The following HSPH1 variants were observed in gnomAD, a reference collection of about 807,000 sequenced individuals.
The protein encoded by HSPH1 is heat shock protein family H (Hsp110) member 1, also known as heat shock protein 105 kDa.
In HSPH1, 40 loss-of-function variants were observed where a neutral mutation model predicts 100.0. The observed-to-expected ratio is 0.40, with a 90% CI of 0.31 to 0.52. The LOEUF (loss-of-function observed/expected upper bound fraction) is 0.52. Ranked by LOEUF, HSPH1 falls within the 20% of genes least tolerant of loss-of-function variation. The probability of loss-of-function intolerance (pLI) is 0.54; values close to 1 mark genes in which losing one functional copy is unlikely to be tolerated. For missense variants in HSPH1, 876 were observed against 1,015.1 expected, an observed-to-expected ratio of 0.86 and a Z score of 1.86; for synonymous variants, 403 against 344.0, an observed-to-expected ratio of 1.17 and a Z score of -1.90.
intron 4 of HSPH1, among the ~76,000 whole-genome samples, chr13:31,153,751 A>G (rs2137623537): frequency 6.6e-6 from 1 of 152,016 alleles, no homozygotes; most frequent in African/African-American, 2.4e-5. Context: ...CATGAGCAAG[A>G]GCAAAGGTGG....
At chr13:31,148,566 G>C (rs535106099) in intron 8 of HSPH1, 86 bp from the exon 9 acceptor site, 2 of 162,242 alleles carry the variant, frequency 1.2e-5, no homozygotes, top group African/African-American at 3.5e-5. Flanking sequence ...GGATGGACAG[G>C]GTTTTCAAAA....
chr13:31,157,171 T>G (rs1000307313), intron 2 of HSPH1, among the ~76,000 whole-genome samples: 1 of 152,234 alleles, frequency 6.6e-6, no homozygotes, highest in African/African-American at 2.4e-5. Flanking sequence ...AAAACTGAGA[T>G]GAAGTATGTC....
upstream of HSPH1, chr13:31,162,313 G>A (rs1393814729): frequency 3.4e-6 from 2 of 591,456 alleles, no homozygotes; most frequent in Non-Finnish European, 6.0e-6. Context: ...AGAGACCCCA[G>A]ACACCGGGAT....
chr13:31,161,382 G>C, intron 1 of HSPH1, 94 bp downstream of exon 1: 20 of 1,527,358 alleles, frequency 1.3e-5, no homozygotes, highest in Non-Finnish European at 1.8e-5. Context: ...GCCTCCGTTT[G>C]CCGCGGTGAT....
At position 31,139,080 on chromosome 13, in the gene HSPH1, T is replaced by C. The variant is rs753961530; in HGVS notation, c.2008A>G (p.Thr670Ala). The part of the protein sequence containing the change: ...QDHQNFLRLL[T>A]ETEDWLYEEG... Reference sequence around the variant, plus strand: ...TCATACAGCCAGTCTTCAGTTTCTGTGAGGAGTCTCAAAAAATTTTGATGA... The same window carrying C: ...TCATACAGCCAGTCTTCAGTTTCTGCGAGGAGTCTCAAAAAATTTTGATGA... Residue 670 changes from threonine to alanine, a missense_variant, in exon 15 of 18, where the codon ACA becomes GCA. Coordinates refer to ENST00000320027, the MANE Select transcript of HSPH1 (RefSeq NM_006644.4). 63 of 1,612,298 alleles carry C rather than the reference T, an allele frequency of 3.9e-5. No individual in the cohort carries two copies. Among genetic ancestry groups the C allele is most frequent in the Non-Finnish European group, 5.3e-5 (62 of 1,178,650 alleles).
Position 31,161,592 on chromosome 13 carries a change from G to A in HSPH1, c.-10C>T. 5 of 1,611,870 alleles carry A rather than the reference G, an allele frequency of 3.1e-6. No individual in the cohort carries two copies. Among genetic ancestry groups the A allele is most frequent in the Non-Finnish European group, 4.2e-6 (5 of 1,179,476 alleles). ...ACCCCACCACCGACATGGCCGGCTC[G>A]CGGTCCGCCTCCGCCTCGGGTCTCG... On this transcript the variant is annotated 5_prime_UTR_variant, in exon 1 of 18. Transcript: ENST00000320027.
chr13:31,139,755 G>A (rs1593714052), intron 14 of HSPH1, among the ~76,000 whole-genome samples: 1 of 152,004 alleles, frequency 6.6e-6, no homozygotes, highest in Non-Finnish European at 1.5e-5. Context: ...CATACTAACT[G>A]GGAGTCAAGA....
upstream of HSPH1, chr13:31,162,281 C>T (rs1455756480): frequency 9.5e-6 from 6 of 632,996 alleles, no homozygotes; most frequent in Non-Finnish European, 1.6e-5. Context: ...GCTGGGCGGG[C>T]GGAGACAGAC....
At chr13:31,155,434 T>C in intron 3 of HSPH1, 80 bp downstream of exon 3, 1 of 1,177,012 alleles carries the variant, frequency 8.5e-7, no homozygotes, top group Non-Finnish European at 1.2e-6. Flanking sequence ...AATTAAGAAA[T>C]TTAAGTAATA....
chr13:31,141,264 G>C lies in HSPH1; in HGVS notation c.1717-5C>G. ...GTCAACTTTTTTTTCATTTGCCTTG[G>C]GAAGAGGAATAAAAAAAGGAAAAAA... On this transcript the variant is annotated splice_region_variant and splice_polypyrimidine_tract_variant and intron_variant, in intron 12 of 17. Transcript: ENST00000320027. The C allele has an allele frequency of 1.9e-6, 3 of 1,582,658 alleles. No homozygotes were observed. Among genetic ancestry groups the C allele is most frequent in the Non-Finnish European group, 2.6e-6 (3 of 1,168,714 alleles).
rs1345820640 is a variant in HSPH1, at chr13:31,151,205, A to C, written c.664-14T>G. ...TGTTCCCAGTACCTAATTTGGTTGA[A>C]ACAACAAATAGTCTGGTTATTTTCA... On this transcript the variant is annotated splice_polypyrimidine_tract_variant and intron_variant, in intron 6 of 17. Coordinates refer to ENST00000320027, the MANE Select transcript of HSPH1 (RefSeq NM_006644.4). The C allele has an allele frequency of 4.4e-6, 7 of 1,583,648 alleles. No homozygotes were observed. The East Asian group carries it at 1.6e-4, about 35-fold the overall frequency.
Position 31,154,753 on chromosome 13 carries a change from T to G in HSPH1, c.309A>C (p.Val103=). The G allele has an allele frequency of 6.2e-7, 1 of 1,612,134 alleles. No individual in the cohort carries two copies. ...PLKNGGVGIK[V]MYMGEEHLFS... ...ATAGATGTTCTTCACCCATGTACAT[T>G]ACCTATATTGAAGGGAAAAAATGTT... Residue 103 remains valine (V), a splice_region_variant and synonymous_variant, in exon 4 of 18, where the codon GTA becomes GTC. Transcript: ENST00000320027.
Position 31,138,542 on chromosome 13 carries a change from C to T in HSPH1, c.2235G>A (p.Glu745=). Residue 745 remains glutamate (E), a synonymous_variant, in exon 17 of 18, where the codon GAG becomes GAA. Transcript: ENST00000320027. ...NKDEKYNHID[E]SEMKKVEKSV... ...ACTTCTCCACTTTTTTCATTTCAGA[C>T]TCATCAATATGGTTGTATTTCTCAT... The T allele has an allele frequency of 6.2e-7, 1 of 1,612,376 alleles. No individual in the cohort carries two copies. The highest frequency in any genetic ancestry group is 8.5e-7 in the Non-Finnish European group (1 of 1,179,100).
chr13:31,144,860 A>G (rs74043869), intron 11 of HSPH1, among the ~76,000 whole-genome samples: 6 of 152,296 alleles, frequency 3.9e-5, no homozygotes, highest in African/African-American at 1.2e-4. Context: ...CAGAATGTTT[A>G]TGTTGCTTAG....
chr13:31,162,071 C>G, upstream of HSPH1: 1 of 1,536,156 alleles, frequency 6.5e-7, no homozygotes, highest in Non-Finnish European at 8.7e-7. Flanking sequence ...CAGCCGGTCC[C>G]CGGAGAACGG....
At chr13:31,153,979 C>T (rs919688054) in intron 4 of HSPH1, 1 of 152,344 alleles carries the variant, frequency 6.6e-6, no homozygotes, top group African/African-American at 2.4e-5. Context: ...CTCATTCATT[C>T]ATAAAGGCTT....
At chr13:31,142,909 G>A (rs898048096) in intron 12 of HSPH1, among the ~76,000 whole-genome samples, 5 of 152,022 alleles carry the variant, frequency 3.3e-5, no homozygotes, top group African/African-American at 1.2e-4. Context: ...AAAACAGAGA[G>A]CAGCTTTCAG....
chr13:31,152,621 T>C (rs1956528488), intron 5 of HSPH1: 3 of 281,724 alleles, frequency 1.1e-5, no homozygotes, highest in Non-Finnish European at 2.0e-5. Context: ...ACCTACATTT[T>C]CAAAGGATTA....
At chr13:31,162,363 A>C (rs1956954898), upstream of HSPH1, 1 of 544,278 alleles carries the variant, frequency 1.8e-6, no homozygotes, top group Non-Finnish European at 3.3e-6. Flanking sequence ...GCATGTTGGG[A>C]ATCGTAGTCC....
Sources: allele counts gnomAD v4.1 joint callset (sites outside exome capture counted in the v4.1 genomes callset), GRCh38; gene constraint gnomAD v4.1.1; transcripts MANE v1.5; gene names NCBI Gene and HGNC (gene_info 2026-07-23, HGNC 2026-07-21).